The following ABL1 variants were observed in gnomAD, a reference collection of about 807,000 sequenced individuals.
The protein encoded by ABL1 is tyrosine-protein kinase ABL1.
In ABL1, 11 loss-of-function variants were observed where a neutral mutation model predicts 94.7. The observed-to-expected ratio is 0.12, with a 90% CI of 0.07 to 0.19. ABL1 has a LOEUF of 0.19. Among genes scored for constraint, ABL1 ranks in the 10% least tolerant of loss-of-function variants. The probability of loss-of-function intolerance (pLI) is 1.00; values close to 1 mark genes in which losing one functional copy is unlikely to be tolerated. For synonymous variants in ABL1, 656 were observed against 622.4 expected (o/e 1.05, Z -0.80); for missense variants, 1,082 against 1,489.4 (o/e 0.73, Z 4.50).
In ABL1 at chr9:130,885,330, A is replaced by G; in HGVS notation, c.3040A>G (p.Lys1014Glu). 1 of 1,613,604 alleles carries G rather than the reference A, an allele frequency of 6.2e-7. No homozygotes were observed. Among genetic ancestry groups the G allele is most frequent in the African/African-American group, 1.3e-5 (1 of 75,044 alleles). The change falls in exon 11 of 11, where the codon AAA (lysine) becomes GAA (glutamate). Residue 1014 changes from lysine (K) to glutamate (E), a missense_variant. Transcript: ENST00000318560. ...PLISTRVSLRKTRQPPERIAS... is the reference protein window; with the variant it reads ...PLISTRVSLRETRQPPERIAS... Reference sequence around the variant, plus strand: ...CATATCAACCCGAGTGTCTCTTCGGAAAACCCGCCAGCCTCCAGAGCGGAT... The same window carrying G: ...CATATCAACCCGAGTGTCTCTTCGGGAAACCCGCCAGCCTCCAGAGCGGAT...
intron 1 of ABL1, among the ~76,000 whole-genome samples, chr9:130,725,824 GTTTTTTTTTT>G (rs34517462): frequency 9.2e-5 from 7 of 76,006 alleles, no homozygotes; most frequent in South Asian, 4.6e-4. Context: ...GTGTATGGTG[GTTTTTTTTTT>G]TTTTTTTTTT....
At chr9:130,830,401 G>C (rs761044053), upstream of ABL1, among the ~76,000 whole-genome samples, 2 of 152,188 alleles carry the variant, frequency 1.3e-5, no homozygotes, top group Non-Finnish European at 2.9e-5. Flanking sequence ...TTCAAGATGC[G>C]GGGGTGTGGG....
At position 130,728,777 on chromosome 9, in the gene ABL1, A is replaced by C. The variant is rs575692153; in HGVS notation, c.136+14322A>C. On this transcript the variant is annotated intron_variant, in intron 1 of 10. Transcript: ENST00000372348. ...CCTGTCTTTTCCTCTAAATCCTAGA[A>C]GGTATTTGTAATAAAGACCGTGCCT... Among the ~76,000 whole-genome samples the C allele has an allele frequency of 2.0e-5, 3 of 152,036 alleles. No individual in the cohort carries two copies. In the East Asian group the frequency reaches 5.8e-4, roughly 29 times the overall value.
intron 1 of ABL1, among the ~76,000 whole-genome samples, chr9:130,798,982 A>G (rs1830018980): frequency 6.6e-6 from 1 of 151,812 alleles, no homozygotes; most frequent in South Asian, 2.1e-4. Flanking sequence ...AAAAAAAAAA[A>G]AAGAATTGGA....
chr9:130,829,269 G>C (rs1830463545), intron 1 of ABL1, among the ~76,000 whole-genome samples: 1 of 152,134 alleles, frequency 6.6e-6, no homozygotes, highest in Non-Finnish European at 1.5e-5. Flanking sequence ...CAGTCAATAA[G>C]TAGAACTGAG....
intron 1 of ABL1, chr9:130,724,747 TAAAAAA>T (rs34124679): frequency 3.0e-4 from 94 of 310,082 alleles, no homozygotes; most frequent in African/African-American, 6.6e-4. Flanking sequence ...ACCCTGTCTT[TAAAAAA>T]AAAAAAAAAA....
At chr9:130,839,236 G>T (rs930818784) in intron 1 of ABL1, among the ~76,000 whole-genome samples, 4 of 151,986 alleles carry the variant, frequency 2.6e-5, no homozygotes, top group Non-Finnish European at 5.9e-5. Context: ...CTGAACTTTC[G>T]AAATTTATTT....
chr9:130,729,643 A>G (rs191026887), intron 1 of ABL1, among the ~76,000 whole-genome samples: 10 of 152,258 alleles, frequency 6.6e-5, no homozygotes, highest in Non-Finnish European at 1.3e-4. Context: ...GTCGTCTCAA[A>G]TATTTTATTC....
rs570426805 is a variant in ABL1, at chr9:130,816,988, G to A, written c.137-37076G>A. On this transcript the variant is annotated intron_variant, in intron 1 of 10. Coordinates refer to the ABL1 transcript ENST00000372348. The stretch of plus-strand genomic sequence containing the variant: ...CCCAAAGTGCTGGGATTACAGGCGT[G>A]AGCCACCGCCTGGTCTCCCTCATTC... 1.2e-4 allele frequency among the ~76,000 whole-genome samples: 18 copies of A among 152,316 alleles called. No individual in the cohort carries two copies. In the South Asian group the frequency reaches 3.7e-3, roughly 32 times the overall value.
intron 1 of ABL1, among the ~76,000 whole-genome samples, chr9:130,750,137 T>C (rs1831936551): frequency 6.8e-6 from 1 of 147,536 alleles, no homozygotes. Flanking sequence ...GCCATGATTG[T>C]GCCACGGCAC....
intron 1 of ABL1, among the ~76,000 whole-genome samples, chr9:130,741,901 G>C (rs1831824936): frequency 6.6e-6 from 1 of 152,228 alleles, no homozygotes; most frequent in Non-Finnish European, 1.5e-5. Flanking sequence ...GGGGTAAAGT[G>C]AGCTGGTTGG....
intron 1 of ABL1, among the ~76,000 whole-genome samples, chr9:130,797,240 A>G (rs1280202107): frequency 5.2e-4 from 40 of 76,610 alleles, no homozygotes; most frequent in African/African-American, 3.1e-3. Flanking sequence ...CATCTCGAAA[A>G]AAAAAAAAAA....
At chr9:130,852,411 C>T (rs1830883220) in intron 1 of ABL1, among the ~76,000 whole-genome samples, 1 of 152,066 alleles carries the variant, frequency 6.6e-6, no homozygotes, top group Non-Finnish European at 1.5e-5. Flanking sequence ...CCGTGTTGCC[C>T]AGGTTGGTTT....
At chr9:130,766,059 G>C (rs752384876) in intron 1 of ABL1, among the ~76,000 whole-genome samples, 4 of 152,244 alleles carry the variant, frequency 2.6e-5, no homozygotes, top group Non-Finnish European at 5.9e-5. Flanking sequence ...AGTGGGTGCA[G>C]GTCATCGCCC....
chr9:130,842,007 A>G (rs1189490019), intron 1 of ABL1, among the ~76,000 whole-genome samples: 1 of 151,704 alleles, frequency 6.6e-6, no homozygotes, highest in Non-Finnish European at 1.5e-5. Flanking sequence ...ACTGAGAGAC[A>G]AATACAAAAA....
intron 1 of ABL1, among the ~76,000 whole-genome samples, chr9:130,764,001 G>T (rs866541919): frequency 9.2e-5 from 14 of 152,290 alleles, no homozygotes; most frequent in African/African-American, 9.6e-5. Context: ...GGCAGAAGAG[G>T]CTTCCCAGAG....
rs576554210 is a variant in ABL1 at position 130,856,466 on chromosome 9, CCCT to C, written c.549+1375_549+1377del. ...CAAACTATTGAGCTCAAGCAATCTG[CCCT>C]CCTCGGCCTCCCAAAATGCTGGGAT... On this transcript the variant is annotated intron_variant, in intron 3 of 10. Transcript: ENST00000318560. Among the ~76,000 whole-genome samples, 326 of 152,310 alleles carry C rather than the reference CCCT, an allele frequency of 2.1e-3. 1 individual carries two copies. The highest frequency in any genetic ancestry group is 3.2e-3 in the Non-Finnish European group (215 of 68,030).
chr9:130,766,673 C>T (rs1832187795), intron 1 of ABL1, among the ~76,000 whole-genome samples: 1 of 152,178 alleles, frequency 6.6e-6, no homozygotes, highest in Admixed American at 6.5e-5. Flanking sequence ...TTGCCTCCTC[C>T]TCTGCCCTCT....
chr9:130,862,727 C>G lies in ABL1; in HGVS notation c.550-36C>G. On this transcript the variant is annotated intron_variant, in intron 3 of 10. Coordinates refer to ENST00000318560, the MANE Select transcript of ABL1 (RefSeq NM_005157.6). This position sits in a 1 kb window ranked among gnomAD's most constrained non-coding sequence, Gnocchi z 5.5. The stretch of plus-strand genomic sequence containing the variant: ...ACGTGAGCTCTTTGAGCTTGCCTGT[C>G]TCTGTGGGCTGAAGGCTGTTCCCTG... 6.3e-7 allele frequency: 1 copy of G among 1,599,412 alleles called. No homozygotes were observed. Among genetic ancestry groups the G allele is most frequent in the South Asian group, 1.1e-5 (1 of 88,638 alleles).
Sources: allele counts gnomAD v4.1 joint callset (sites outside exome capture counted in the v4.1 genomes callset), GRCh38; gene constraint gnomAD v4.1.1; non-coding constraint Gnocchi (gnomAD v3.1); transcripts MANE v1.5; gene names NCBI Gene and HGNC (gene_info 2026-07-23, HGNC 2026-07-21).